TGFBR1: variants seen among roughly 807,000 people sequenced by gnomAD.
TGFBR1 encodes the protein TGF-beta receptor type-1.
A neutral mutation model predicts 55.1 loss-of-function variants in TGFBR1; 20 were observed. The ratio of observed to expected loss-of-function variants is 0.36; its 90% CI spans 0.26 to 0.53. The LOEUF (loss-of-function observed/expected upper bound fraction) is 0.53. TGFBR1 is among the 20% of genes least tolerant of loss of function. The pLI is 0.91. For missense variants in TGFBR1, 385 were observed against 617.6 expected, an observed-to-expected ratio of 0.62 and a Z score of 3.99; for synonymous variants, 220 against 214.8, an observed-to-expected ratio of 1.02 and a Z score of -0.21.
At chr9:99,132,316 A>G (rs1827255869) in intron 2 of TGFBR1, among the ~76,000 whole-genome samples, 193 bp from the exon 3 acceptor site, 1 of 152,086 alleles carries the variant, frequency 6.6e-6, no homozygotes, top group South Asian at 2.1e-4. Flanking sequence ...GTGTGCATAA[A>G]AGGAGGCCTA....
chr9:99,142,719 G>A lies in TGFBR1; in HGVS notation c.973+16G>A. On this transcript the variant is annotated intron_variant, in intron 5 of 8. Transcript: ENST00000374994. ...GGTACCCAAGGTAATTCTATAAGCAGTTCTATTATTTAAGCTTTAAATTTT... is the reference window on the plus strand; with the variant it reads ...GGTACCCAAGGTAATTCTATAAGCAATTCTATTATTTAAGCTTTAAATTTT... 1 of 1,613,622 alleles carries A rather than the reference G, an allele frequency of 6.2e-7. No homozygotes were observed. Among genetic ancestry groups the A allele is most frequent in the Non-Finnish European group, 8.5e-7 (1 of 1,179,580 alleles).
chr9:99,117,584 C>T (rs768873134), intron 1 of TGFBR1, among the ~76,000 whole-genome samples: 2 of 152,144 alleles, frequency 1.3e-5, no homozygotes, highest in Non-Finnish European at 2.9e-5. Context: ...ATCTGGTTGA[C>T]TCAGAACCAT....
intron 1 of TGFBR1, among the ~76,000 whole-genome samples, chr9:99,116,277 A>T (rs1226796169): frequency 6.6e-6 from 1 of 151,980 alleles, no homozygotes; most frequent in Non-Finnish European, 1.5e-5. Context: ...GGGAGAAGGG[A>T]AAGGAGGGAG....
intron 3 of TGFBR1, among the ~76,000 whole-genome samples, chr9:99,134,046 T>C (rs1236315351): frequency 1.3e-5 from 2 of 150,656 alleles, no homozygotes; most frequent in South Asian, 4.3e-4. Context: ...TTGAGTGATA[T>C]TAAAGGAATG....
chr9:99,121,014 T>C (rs924708081), intron 1 of TGFBR1, among the ~76,000 whole-genome samples: 1 of 152,210 alleles, frequency 6.6e-6, no homozygotes, highest in Non-Finnish European at 1.5e-5. Flanking sequence ...AAAATGAAGA[T>C]AATGTGGAAA....
In TGFBR1 at chr9:99,152,182, C is replaced by T. The variant is rs200813968; in HGVS notation, c.*2877C>T. 1.4e-5 allele frequency: 3 copies of T among 208,204 alleles called. No individual in the cohort carries two copies. The highest frequency in any genetic ancestry group is 2.0e-5 in the Non-Finnish European group (2 of 102,244). 12.9% of individuals were successfully genotyped at this position (208,204 alleles called of 1,614,324 possible). On this transcript the variant is annotated 3_prime_UTR_variant, in exon 9 of 9. Transcript: ENST00000374994. ...AAACGGCTGATGGAAGTTGTGGGAC[C>T]CACTTCCATTTCCTTCAGTCATTAG...
intron 3 of TGFBR1, among the ~76,000 whole-genome samples, chr9:99,136,783 A>T (rs545361229): frequency 6.6e-6 from 1 of 152,234 alleles, no homozygotes; most frequent in Admixed American, 6.5e-5. Flanking sequence ...AAGAGAGCAG[A>T]TAATTTCATT....
intron 1 of TGFBR1, among the ~76,000 whole-genome samples, chr9:99,124,322 A>G (rs918772427): frequency 1.4e-4 from 22 of 152,242 alleles, no homozygotes; most frequent in Non-Finnish European, 2.2e-4. Flanking sequence ...TCTGCACCTC[A>G]TAGCCCACAC....
chr9:99,149,474 G>A lies in TGFBR1; in HGVS notation c.*169G>A. ...CTTCCCAGGATTTCTTTGGACCCAGGAAACAGCCATGTGGGTCCTTTCTGT... is the reference window on the plus strand; with the variant it reads ...CTTCCCAGGATTTCTTTGGACCCAGAAAACAGCCATGTGGGTCCTTTCTGT... On this transcript the variant is annotated 3_prime_UTR_variant, in exon 9 of 9. Coordinates refer to ENST00000374994, the MANE Select transcript of TGFBR1 (RefSeq NM_004612.4). 1.1e-6 allele frequency: 1 copy of A among 876,026 alleles called. No homozygotes were observed. The highest frequency in any genetic ancestry group is 1.8e-6 in the Non-Finnish European group (1 of 561,926). 54.3% of individuals were successfully genotyped at this position (876,026 alleles called of 1,614,324 possible). A position where few individuals can be genotyped will look rare whatever the true frequency, so the allele number is the denominator to read the frequency against.
chr9:99,112,563 T>C (rs1212438232), intron 1 of TGFBR1, among the ~76,000 whole-genome samples: 2 of 152,232 alleles, frequency 1.3e-5, no homozygotes, highest in Non-Finnish European at 2.9e-5. Context: ...TGTTCACTAA[T>C]GTATCTCAAG....
chr9:99,126,809 CTCTT>C (rs1588574028), intron 1 of TGFBR1, among the ~76,000 whole-genome samples: 1 of 152,176 alleles, frequency 6.6e-6, no homozygotes, highest in African/African-American at 2.4e-5. Context: ...ACGATTGTGT[CTCTT>C]TCTTGTCATT....
In TGFBR1 at chr9:99,132,929, CTTAACT is replaced by C. The variant is rs11466461; in HGVS notation, c.574+197_574+202del. Among the ~76,000 whole-genome samples, 2,957 of 152,140 alleles carry C rather than the reference CTTAACT, an allele frequency of 0.019. 88 individuals carry two copies. The highest frequency in any genetic ancestry group is 0.068 in the African/African-American group (2,798 of 41,418). On this transcript the variant is annotated intron_variant, in intron 3 of 8. Coordinates refer to ENST00000374994, the MANE Select transcript of TGFBR1 (RefSeq NM_004612.4). Reference sequence around the variant, plus strand: ...GTGGCTGGTTTAAAATAGATTGGAACTTAACTTTAACTGTTAAAGCGAATCAATAAG... The same window carrying C: ...GTGGCTGGTTTAAAATAGATTGGAACTTAACTGTTAAAGCGAATCAATAAG...
chr9:99,146,132 C>T (rs1197635417), intron 6 of TGFBR1, among the ~76,000 whole-genome samples: 1 of 152,118 alleles, frequency 6.6e-6, no homozygotes, highest in Admixed American at 6.5e-5. Flanking sequence ...CCCTTCCTTT[C>T]ATCCTCAGTG....
chr9:99,108,343 G>A (rs183022740), intron 1 of TGFBR1, among the ~76,000 whole-genome samples: 96 of 152,324 alleles, frequency 6.3e-4, no homozygotes, highest in African/African-American at 2.2e-3. Flanking sequence ...TGGTATTTGA[G>A]TTTGAGGTTG....
At chr9:99,113,619 C>G (rs1826648189) in intron 1 of TGFBR1, among the ~76,000 whole-genome samples, 1 of 152,104 alleles carries the variant, frequency 6.6e-6, no homozygotes, top group Non-Finnish European at 1.5e-5. Context: ...TTTACCTGAT[C>G]GTTGTGAAGA....
intron 1 of TGFBR1, among the ~76,000 whole-genome samples, chr9:99,118,791 T>C (rs540394512): frequency 3.7e-4 from 57 of 152,014 alleles, no homozygotes; most frequent in Non-Finnish European, 4.1e-4. Context: ...GGACTACAGG[T>C]GCGTGCCACC....
rs1284420630 is a variant in TGFBR1 at position 99,153,786 on chromosome 9, C to A, written c.*4481C>A. The A allele has an allele frequency of 4.8e-6, 1 of 207,458 alleles. No individual in the cohort carries two copies. Among genetic ancestry groups the A allele is most frequent in the East Asian group, 7.3e-5 (1 of 13,716 alleles). The allele number at this position is 207,458 out of a possible 1,614,324, so 12.9% of individuals were successfully genotyped here. A position where few individuals can be genotyped will look rare whatever the true frequency, so the allele number is the denominator to read the frequency against. On this transcript the variant is annotated 3_prime_UTR_variant, in exon 9 of 9. Coordinates refer to ENST00000374994, the MANE Select transcript of TGFBR1 (RefSeq NM_004612.4). ...TTCTAACCCTGCCTAGTGCAAGTTA[C>A]AATATTATAGCGTGTTCGGGGAGTG...
chr9:99,115,055 T>C (rs1463454129), intron 1 of TGFBR1, among the ~76,000 whole-genome samples: 1 of 152,210 alleles, frequency 6.6e-6, no homozygotes, highest in Non-Finnish European at 1.5e-5. Context: ...GTTAGAAGCA[T>C]TCTGATTTCA....
intron 1 of TGFBR1, among the ~76,000 whole-genome samples, chr9:99,117,420 G>A (rs1049643011): frequency 1.3e-5 from 2 of 151,980 alleles, no homozygotes; most frequent in African/African-American, 4.8e-5. Flanking sequence ...CTTTAAGTTA[G>A]AATCCTGTTT....
Sources: gnomAD v4.1 joint callset for allele counts (sites outside exome capture counted in the v4.1 genomes callset) on GRCh38, gnomAD v4.1.1 for gene constraint, MANE v1.5 for transcripts, NCBI Gene and HGNC (gene_info 2026-07-23, HGNC 2026-07-21) for gene names.